Variants in CCDC201 observed in about 807,000 individuals in gnomAD.
CCDC201 encodes coiled-coil domain-containing protein 201.
chr7:45,882,426 T>C, the CCDC201 span, among the ~76,000 whole-genome samples: 1 of 152,222 alleles, frequency 6.6e-6, no homozygotes, highest in African/African-American at 2.4e-5. Context: ...TTATGCAACA[T>C]GCTAGGACAT....
the CCDC201 span, among the ~76,000 whole-genome samples, chr7:45,879,652 G>A: frequency 3.9e-5 from 6 of 152,148 alleles, no homozygotes; most frequent in South Asian, 2.1e-4. Flanking sequence ...CAATCACATC[G>A]CACCAGGCCC....
chr7:45,869,352 C>T lies in CCDC201; in HGVS notation c.19-2858G>A, dbSNP rs116770178. ...AGTCACCAGAGGAAATATTCAAACC[C>T]AGATGGCTTATTGGCCTGAAACAGA... On this transcript the variant is annotated intron_variant, in intron 1 of 2. Transcript: ENST00000636578. Among the ~76,000 whole-genome samples the T allele has an allele frequency of 6.6e-3, 1,010 of 152,326 alleles. 10 individuals are homozygous for T. The highest frequency in any genetic ancestry group is 0.023 in the African/African-American group (949 of 41,562).
At chr7:45,870,596 TAC>T (rs1195313335) in intron 1 of CCDC201, among the ~76,000 whole-genome samples, 1 of 152,094 alleles carries the variant, frequency 6.6e-6, no homozygotes, top group Non-Finnish European at 1.5e-5. Context: ...AAACTGGAAG[TAC>T]AGTGTAATAA....
the CCDC201 span, among the ~76,000 whole-genome samples, chr7:45,883,233 ATCTATGTGCTTG>A: frequency 1.3e-3 from 200 of 152,292 alleles, 1 homozygote; most frequent in African/African-American, 4.7e-3. Flanking sequence ...ACAGAAGGAC[ATCTATGTGCTTG>A]TCCCCTGTTC....
At chr7:45,884,061 C>T in the CCDC201 span, among the ~76,000 whole-genome samples, 5 of 149,186 alleles carry the variant, frequency 3.4e-5, no homozygotes, top group African/African-American at 1.2e-4. Context: ...CATCTCTCTC[C>T]TTCCTCCCTT....
At chr7:45,870,214 C>T (rs1786729040) in intron 1 of CCDC201, among the ~76,000 whole-genome samples, 1 of 152,204 alleles carries the variant, frequency 6.6e-6, no homozygotes, top group Non-Finnish European at 1.5e-5. Context: ...GCACAAGCAG[C>T]ATCTTACTTG....
At chr7:45,880,584 C>T in the CCDC201 span, among the ~76,000 whole-genome samples, 5 of 152,332 alleles carry the variant, frequency 3.3e-5, no homozygotes, top group South Asian at 2.1e-4. Context: ...GTGATGGGCA[C>T]GTTATATGCA....
At chr7:45,869,731 C>T (rs150236684) in intron 1 of CCDC201, among the ~76,000 whole-genome samples, 6 of 152,306 alleles carry the variant, frequency 3.9e-5, no homozygotes, top group African/African-American at 1.4e-4. Flanking sequence ...TTCTATCCCA[C>T]CAACCAGCAT....
exon 3 of CCDC201, chr7:45,860,680 A>G (rs150690249): frequency 3.2e-4 from 48 of 152,230 alleles, no homozygotes; most frequent in African/African-American, 1.1e-3. Flanking sequence ...CTCCCTTTCT[A>G]AGTTTCTCAT....
chr7:45,877,088 T>C (rs867947958), upstream of CCDC201, among the ~76,000 whole-genome samples: 1 of 152,180 alleles, frequency 6.6e-6, no homozygotes, highest in African/African-American at 2.4e-5. Flanking sequence ...CCCTGGACGA[T>C]GAGAGCCCCT....
At chr7:45,864,490 C>T (rs1786641225) in intron 2 of CCDC201, among the ~76,000 whole-genome samples, 1 of 152,172 alleles carries the variant, frequency 6.6e-6, no homozygotes, top group Non-Finnish European at 1.5e-5. Flanking sequence ...AGTGAAGAAG[C>T]AGTTAACCCC....
At chr7:45,869,427 C>G (rs1373169531) in intron 1 of CCDC201, among the ~76,000 whole-genome samples, 2 of 152,224 alleles carry the variant, frequency 1.3e-5, no homozygotes, top group African/African-American at 4.8e-5. Context: ...AAGGCTTACC[C>G]AGGAGCAACT....
intron 1 of CCDC201, among the ~76,000 whole-genome samples, chr7:45,868,544 G>C (rs1029729007): frequency 6.6e-5 from 10 of 152,128 alleles, no homozygotes; most frequent in African/African-American, 2.4e-4. Flanking sequence ...AGAAGCCACA[G>C]TCCCTGGTCT....
At chr7:45,873,616 G>A (rs1219213928), upstream of CCDC201, among the ~76,000 whole-genome samples, 2 of 152,182 alleles carry the variant, frequency 1.3e-5, no homozygotes, top group African/African-American at 4.8e-5. Flanking sequence ...ATCACCTAAC[G>A]ACTCCCAGGT....
At chr7:45,875,177 A>G (rs1340428510), upstream of CCDC201, among the ~76,000 whole-genome samples, 4 of 152,226 alleles carry the variant, frequency 2.6e-5, no homozygotes, top group African/African-American at 9.6e-5. Context: ...TATAGAATAG[A>G]CAGTATAGTG....
chr7:45,861,913 C>G (rs1222539775), exon 3 of CCDC201: 1 of 152,228 alleles, frequency 6.6e-6, no homozygotes, highest in Non-Finnish European at 1.5e-5. Flanking sequence ...TAAACTCTAG[C>G]TCTGTATTTA....
In CCDC201 at chr7:45,869,223, A is replaced by T. The variant is rs934208851; in HGVS notation, c.19-2729T>A. On this transcript the variant is annotated intron_variant, in intron 1 of 2. Coordinates refer to ENST00000636578, the Ensembl canonical transcript of CCDC201. ...TTTGAAAAAAAATGTGGTCTAAGGA[A>T]GGTTCTTCTTGGAACCATCTATTCA... 2.0e-5 allele frequency among the ~76,000 whole-genome samples: 3 copies of T among 152,242 alleles called. No individual in the cohort carries two copies. In the East Asian group the frequency reaches 5.8e-4, roughly 29 times the overall value.
chr7:45,860,718 G>A (rs1249924014), exon 3 of CCDC201: 1 of 152,176 alleles, frequency 6.6e-6, no homozygotes, highest in Non-Finnish European at 1.5e-5. Flanking sequence ...AATTTGGAAA[G>A]CTTTGTAGCA....
chr7:45,877,473 G>A (rs1786825624), upstream of CCDC201, among the ~76,000 whole-genome samples: 2 of 152,190 alleles, frequency 1.3e-5, no homozygotes, highest in African/African-American at 2.4e-5. Flanking sequence ...AAGAAAAGAG[G>A]TTTCATCAGC....
Sources: gnomAD v4.1 joint callset for allele counts (sites outside exome capture counted in the v4.1 genomes callset) on GRCh38, gnomAD v4.1.1 for gene constraint, MANE v1.5 for transcripts, NCBI Gene and HGNC (gene_info 2026-07-23, HGNC 2026-07-21) for gene names.